The following MALRD1 variants were observed in gnomAD, a reference collection of about 807,000 sequenced individuals.
The protein encoded by MALRD1 is MAM and LDL-receptor class A domain-containing protein 1.
In MALRD1, 247 loss-of-function variants were observed where a neutral mutation model predicts 242.1. The observed-to-expected ratio is 1.02, with a 90% CI of 0.92 to 1.13. The LOEUF is 1.13. Ranked by LOEUF, MALRD1 falls within the 50% of genes most tolerant of loss-of-function variation. The probability of loss-of-function intolerance (pLI) is 0.00; values close to 1 mark genes in which losing one functional copy is unlikely to be tolerated. For missense variants in MALRD1, 2,989 were observed against 2,533.1 expected (o/e 1.18, Z -3.86); for synonymous variants, 995 against 866.6 (o/e 1.15, Z -2.60).
At chr10:19,331,033 A>C (rs16918512) in intron 23 of MALRD1, among the ~76,000 whole-genome samples, 6,310 of 152,158 alleles carry the variant, frequency 0.041, 215 homozygotes, top group African/African-American at 0.094. Flanking sequence ...TGATGCTCTA[A>C]AACAGGAGTA....
At chr10:19,192,750 C>T (rs1199207411) in intron 14 of MALRD1, among the ~76,000 whole-genome samples, 1 of 151,094 alleles carries the variant, frequency 6.6e-6, no homozygotes, top group East Asian at 1.9e-4. Flanking sequence ...TTGTTTGTTA[C>T]ATAGCAAGAG....
chr10:19,459,286 C>G (rs1173195590), intron 29 of MALRD1, among the ~76,000 whole-genome samples: 1 of 152,038 alleles, frequency 6.6e-6, no homozygotes, highest in African/African-American at 2.4e-5. Context: ...GAGGAAGTAC[C>G]CTCAGTGAAT....
Position 19,734,247 on chromosome 10 carries a change from G to C in MALRD1, c.*10G>C. On this transcript the variant is annotated 3_prime_UTR_variant, in exon 40 of 40. Coordinates refer to ENST00000454679, the MANE Select transcript of MALRD1 (RefSeq NM_001142308.3). The stretch of plus-strand genomic sequence containing the variant: ...ACATCATCTCAAATAGCAGCATCGA[G>C]ACCAAGTCTGATCCAACATGTGTAG... 1 of 1,529,662 alleles carries C rather than the reference G, an allele frequency of 6.5e-7. No homozygotes were observed. The highest frequency in any genetic ancestry group is 8.8e-7 in the Non-Finnish European group (1 of 1,141,166). The allele number at this position is 1,529,662 out of a possible 1,614,324, so 94.8% of individuals were successfully genotyped here.
chr10:19,053,236 C>T (rs1326311845), intron 1 of MALRD1, among the ~76,000 whole-genome samples: 7 of 152,182 alleles, frequency 4.6e-5, no homozygotes, highest in African/African-American at 1.4e-4. Context: ...TGTAAGCACA[C>T]GTGATCTCTG....
chr10:19,547,276 C>T (rs541152025), intron 32 of MALRD1, among the ~76,000 whole-genome samples: 53 of 152,152 alleles, frequency 3.5e-4, no homozygotes, highest in South Asian at 4.1e-4. Context: ...AGTAGCTATA[C>T]GTTTTTTCAG....
intron 26 of MALRD1, among the ~76,000 whole-genome samples, chr10:19,376,884 G>A (rs982938051): frequency 1.3e-5 from 2 of 151,976 alleles, no homozygotes; most frequent in Non-Finnish European, 2.9e-5. Context: ...TCCAAGCAAG[G>A]AACTCCCTCT....
chr10:19,262,459 C>G (rs974083277), intron 19 of MALRD1, among the ~76,000 whole-genome samples: 1 of 151,860 alleles, frequency 6.6e-6, no homozygotes, highest in Non-Finnish European at 1.5e-5. Context: ...AGTTCAACAC[C>G]AGCCTGGTCA....
intron 38 of MALRD1, among the ~76,000 whole-genome samples, chr10:19,696,252 A>G (rs1377334062): frequency 6.6e-6 from 1 of 152,206 alleles, no homozygotes; most frequent in Non-Finnish European, 1.5e-5. Context: ...TCTCATTCCT[A>G]GTATGGGTTC....
intron 21 of MALRD1, among the ~76,000 whole-genome samples, chr10:19,309,300 C>G (rs77927009): frequency 6.6e-6 from 1 of 151,412 alleles, no homozygotes. Flanking sequence ...ACAACACTCA[C>G]CAATATTTAA....
intron 26 of MALRD1, among the ~76,000 whole-genome samples, chr10:19,364,462 T>C (rs1005285250): frequency 6.6e-6 from 1 of 152,134 alleles, no homozygotes; most frequent in South Asian, 2.1e-4. Flanking sequence ...AAGTAATATA[T>C]GTGTTTGTGT....
Position 19,273,403 on chromosome 10 carries a change from G to T in MALRD1, c.3080-6644G>T, listed in dbSNP as rs534473978. On this transcript the variant is annotated intron_variant, in intron 19 of 39. Coordinates refer to ENST00000454679, the MANE Select transcript of MALRD1 (RefSeq NM_001142308.3). Reference sequence around the variant, plus strand: ...CAAGTGCTTTAGTATTTACCCAAATGAGTATATTCACACAAAAAACCTAGA... The same window carrying T: ...CAAGTGCTTTAGTATTTACCCAAATTAGTATATTCACACAAAAAACCTAGA... 5.9e-5 allele frequency among the ~76,000 whole-genome samples: 9 copies of T among 152,248 alleles called. No individual in the cohort carries two copies. In the South Asian group the frequency reaches 1.9e-3, roughly 31 times the overall value.
At chr10:19,198,851 C>G (rs917961584) in intron 14 of MALRD1, among the ~76,000 whole-genome samples, 27 of 152,014 alleles carry the variant, frequency 1.8e-4, no homozygotes, top group Non-Finnish European at 3.5e-4. Flanking sequence ...TGCAAACATT[C>G]CCTTACTATT....
intron 36 of MALRD1, among the ~76,000 whole-genome samples, chr10:19,672,433 T>TA (rs1319362964): frequency 6.9e-6 from 1 of 145,902 alleles, no homozygotes; most frequent in African/African-American, 2.7e-5. Context: ...TTTTTTTGTA[T>TA]TTTGTTTTTT....
At chr10:19,571,883 T>G (rs746728145) in intron 33 of MALRD1, among the ~76,000 whole-genome samples, 1 of 152,198 alleles carries the variant, frequency 6.6e-6, no homozygotes, top group Non-Finnish European at 1.5e-5. Context: ...CAGATTTGTA[T>G]GTTGAACCTG....
chr10:19,665,954 T>C (rs1208919934), intron 36 of MALRD1, among the ~76,000 whole-genome samples: 1 of 152,024 alleles, frequency 6.6e-6, no homozygotes, highest in Non-Finnish European at 1.5e-5. Flanking sequence ...GCTTTCGCTG[T>C]GGCCCTCTCA....
chr10:19,700,021 GACACAC>G (rs58040272), intron 38 of MALRD1, among the ~76,000 whole-genome samples: 2,781 of 141,228 alleles, frequency 0.02, 39 homozygotes, highest in African/African-American at 0.037. Context: ...AATTGATTTA[GACACAC>G]ACACACACAC....
chr10:19,108,819 A>G (rs1836570207), intron 5 of MALRD1, among the ~76,000 whole-genome samples: 1 of 152,022 alleles, frequency 6.6e-6, no homozygotes, highest in South Asian at 2.1e-4. Flanking sequence ...ATAAATTTCC[A>G]TTTTGGGTGG....
intron 36 of MALRD1, among the ~76,000 whole-genome samples, chr10:19,680,104 T>C (rs1231131239): frequency 6.6e-6 from 1 of 152,186 alleles, no homozygotes; most frequent in Non-Finnish European, 1.5e-5. Flanking sequence ...CCAAGAAGAA[T>C]GTATATTCTT....
chr10:19,325,434 C>A (rs1031632160), intron 22 of MALRD1, among the ~76,000 whole-genome samples: 2 of 149,156 alleles, frequency 1.3e-5, no homozygotes. Flanking sequence ...TTTTCTGGGG[C>A]ATCCAACATA....
Sources: allele counts gnomAD v4.1 joint callset (sites outside exome capture counted in the v4.1 genomes callset), GRCh38; gene constraint gnomAD v4.1.1; transcripts MANE v1.5; gene names NCBI Gene and HGNC (gene_info 2026-07-23, HGNC 2026-07-21).